The following RNGTT variants were observed in gnomAD, a reference collection of about 807,000 sequenced individuals.
RNGTT encodes mRNA-capping enzyme.
Under a neutral mutation model 79.3 loss-of-function variants are expected in RNGTT, and 33 were observed. The ratio of observed to expected loss-of-function variants is 0.42; its 90% confidence interval spans 0.32 to 0.56. The LOEUF (loss-of-function observed/expected upper bound fraction) is 0.56, where lower values mean the gene tolerates loss of function less well. Among genes scored for constraint, RNGTT ranks in the 20% least tolerant of loss-of-function variants. The pLI, the probability that RNGTT is intolerant of heterozygous loss-of-function variation, is 0.17. For missense variants in RNGTT, 497 were observed against 739.1 expected (o/e 0.67, Z 3.80); for synonymous variants, 222 against 235.9 (o/e 0.94, Z 0.54).
At chr6:88,671,239 A>G (rs1256775955) in intron 14 of RNGTT, among the ~76,000 whole-genome samples, 2 of 152,216 alleles carry the variant, frequency 1.3e-5, no homozygotes, top group Admixed American at 1.3e-4. Context: ...TAGATCTGAT[A>G]AATGAATTCA....
chr6:88,627,833 G>A (rs771318634), intron 14 of RNGTT, among the ~76,000 whole-genome samples: 14 of 152,204 alleles, frequency 9.2e-5, no homozygotes, highest in Middle Eastern at 3.4e-3. Flanking sequence ...ACTCACCTGA[G>A]CAAACAAACT....
At chr6:88,946,780 G>A (rs888062494) in intron 1 of RNGTT, among the ~76,000 whole-genome samples, 11 of 147,588 alleles carry the variant, frequency 7.5e-5, no homozygotes, top group East Asian at 2.0e-4. Flanking sequence ...TCAGTCTGCC[G>A]AATGCCTGCG....
intron 13 of RNGTT, among the ~76,000 whole-genome samples, chr6:88,720,688 C>T (rs1776679000): frequency 6.6e-6 from 1 of 152,072 alleles, no homozygotes; most frequent in Non-Finnish European, 1.5e-5. Flanking sequence ...TTTTTCTGAT[C>T]ACTTTTAAAG....
chr6:88,920,387 G>A (rs1784128524), intron 4 of RNGTT, among the ~76,000 whole-genome samples: 1 of 151,772 alleles, frequency 6.6e-6, no homozygotes. Context: ...TGTATTTGTT[G>A]TTTTGAAAAA....
chr6:88,937,081 G>A (rs1002271590), intron 2 of RNGTT, among the ~76,000 whole-genome samples: 5 of 152,080 alleles, frequency 3.3e-5, no homozygotes, highest in African/African-American at 1.2e-4. Flanking sequence ...GGTGGCTCAC[G>A]CCTGTAATCC....
chr6:88,951,372 T>C (rs1424285115), intron 1 of RNGTT, among the ~76,000 whole-genome samples: 2 of 151,988 alleles, frequency 1.3e-5, no homozygotes, highest in Non-Finnish European at 2.9e-5. Flanking sequence ...AGCAGCAGGG[T>C]TGGGGAGAAT....
chr6:88,727,298 G>A (rs1776946926), intron 13 of RNGTT, among the ~76,000 whole-genome samples: 1 of 152,174 alleles, frequency 6.6e-6, no homozygotes. Flanking sequence ...GCATAAGAAT[G>A]TGGATTTTTA....
At chr6:88,921,908 G>A (rs142006491) in intron 4 of RNGTT, among the ~76,000 whole-genome samples, 3,290 of 151,972 alleles carry the variant, frequency 0.022, 117 homozygotes, top group African/African-American at 0.075. Flanking sequence ...CAAAGAAAAC[G>A]GCAGGATGTT....
At chr6:88,765,616 T>C (rs935203356) in intron 13 of RNGTT, among the ~76,000 whole-genome samples, 24 of 152,200 alleles carry the variant, frequency 1.6e-4, no homozygotes, top group African/African-American at 5.8e-4. Flanking sequence ...ATAAACATTA[T>C]TCCTGTGGAC....
At chr6:88,939,103 T>C (rs750720296) in intron 2 of RNGTT, among the ~76,000 whole-genome samples, 4 of 152,210 alleles carry the variant, frequency 2.6e-5, no homozygotes, top group Admixed American at 1.3e-4. Context: ...TTTTTAGATA[T>C]TATCTTTTGT....
chr6:88,836,499 T>C (rs1781084542), intron 11 of RNGTT, among the ~76,000 whole-genome samples: 1 of 152,138 alleles, frequency 6.6e-6, no homozygotes. Context: ...CCCATCACTT[T>C]GGGAGGTCAA....
intron 1 of RNGTT, among the ~76,000 whole-genome samples, chr6:88,957,501 G>A (rs1238299825): frequency 2.0e-5 from 3 of 152,138 alleles, no homozygotes; most frequent in Non-Finnish European, 4.4e-5. Flanking sequence ...TCCCAAATCT[G>A]ACAAATGAAT....
chr6:88,845,383 T>C (rs906064106), intron 10 of RNGTT, among the ~76,000 whole-genome samples: 1 of 152,228 alleles, frequency 6.6e-6, no homozygotes, highest in Non-Finnish European at 1.5e-5. Context: ...AAATAAAAAG[T>C]ACATGAACAC....
rs115259720 is a variant in RNGTT, at chr6:88,754,337, T to C, written c.1439+15437A>G. Among the ~76,000 whole-genome samples, 681 of 152,282 alleles carry C rather than the reference T, an allele frequency of 4.5e-3. 2 individuals are homozygous for C. The highest frequency in any genetic ancestry group is 0.015 in the African/African-American group (644 of 41,572). ...AAAAACCCTAGAGATCAGGTCAACA[T>C]TGGCCCCAGGTCATGTGCCTGACCT... On this transcript the variant is annotated intron_variant, in intron 13 of 15. Transcript: ENST00000369485.
intron 4 of RNGTT, among the ~76,000 whole-genome samples, chr6:88,925,033 T>C (rs1372272676): frequency 6.6e-6 from 1 of 152,160 alleles, no homozygotes; most frequent in Non-Finnish European, 1.5e-5. Context: ...TGTGTTTTTT[T>C]TTAAGACAAA....
chr6:88,863,531 C>G (rs76590632), intron 8 of RNGTT, among the ~76,000 whole-genome samples: 8 of 152,080 alleles, frequency 5.3e-5, no homozygotes, highest in African/African-American at 1.9e-4. Context: ...ATCAAAGTAC[C>G]GTGTGTGCTT....
intron 11 of RNGTT, among the ~76,000 whole-genome samples, chr6:88,843,576 T>G (rs1351572199): frequency 3.3e-4 from 42 of 127,996 alleles, no homozygotes; most frequent in African/African-American, 1.1e-3. Flanking sequence ...TTTTTTTTTT[T>G]GAGACAGAGT....
At chr6:88,795,293 T>C (rs895836788) in intron 12 of RNGTT, among the ~76,000 whole-genome samples, 4 of 152,122 alleles carry the variant, frequency 2.6e-5, no homozygotes, top group Admixed American at 2.0e-4. Context: ...ACTATCAACA[T>C]AGAGGGCTGA....
At chr6:88,900,390 T>A (rs753441634) in intron 6 of RNGTT, among the ~76,000 whole-genome samples, 7 of 152,142 alleles carry the variant, frequency 4.6e-5, no homozygotes, top group Non-Finnish European at 2.9e-5. Flanking sequence ...TGGATGAGTT[T>A]AACAGCAGCT....
Sources: allele counts gnomAD v4.1 joint callset (sites outside exome capture counted in the v4.1 genomes callset), GRCh38; gene constraint gnomAD v4.1.1; transcripts MANE v1.5; gene names NCBI Gene and HGNC (gene_info 2026-07-23, HGNC 2026-07-21).